Variants in PPP2R5D observed in about 807,000 individuals in gnomAD.
The protein encoded by PPP2R5D is protein phosphatase 2 regulatory subunit B'delta, also known as serine/threonine-protein phosphatase 2A 56 kDa regulatory subunit delta isoform.
In PPP2R5D, 12 loss-of-function variants were observed where a neutral mutation model predicts 79.1. That is an observed-to-expected ratio of 0.15 (90% CI 0.10 to 0.25). The LOEUF (loss-of-function observed/expected upper bound fraction) is 0.25. Among genes scored for constraint, PPP2R5D ranks in the 10% least tolerant of loss-of-function variants. The pLI is 1.00. For synonymous variants in PPP2R5D, 277 were observed against 286.6 expected, an observed-to-expected ratio of 0.97 and a Z score of 0.34; for missense variants, 419 against 760.2, an observed-to-expected ratio of 0.55 and a Z score of 5.28.
chr6:43,008,965 A>G lies in PPP2R5D; in HGVS notation c.1081-92A>G. 2 of 1,471,472 alleles carry G rather than the reference A, an allele frequency of 1.4e-6. No homozygotes were observed. Among genetic ancestry groups the G allele is most frequent in the Non-Finnish European group, 1.9e-6 (2 of 1,072,856 alleles). 91.2% of individuals were successfully genotyped at this position (1,471,472 alleles called of 1,614,324 possible). ...GGCTGAGATCACCCAAACTGTGCCC[A>G]CCAGGGTGGGGGAGAGAGCAGGTAG... On this transcript the variant is annotated intron_variant, in intron 10 of 15. Coordinates refer to ENST00000485511, the MANE Select transcript of PPP2R5D (RefSeq NM_006245.4). This position sits in a 1 kb window ranked among gnomAD's most constrained non-coding sequence, Gnocchi z 4.2.
chr6:42,987,888 G>C (rs574090287), intron 1 of PPP2R5D, among the ~76,000 whole-genome samples: 3 of 152,286 alleles, frequency 2.0e-5, no homozygotes, highest in South Asian at 4.1e-4. Flanking sequence ...AGATGGGTCA[G>C]CTTTGTTCAA....
intron 2 of PPP2R5D, among the ~76,000 whole-genome samples, chr6:42,999,272 C>T (rs1402568104): frequency 6.6e-6 from 1 of 152,166 alleles, no homozygotes; most frequent in Admixed American, 6.6e-5. Context: ...TCCCCCACCT[C>T]CCTCTGACAT....
chr6:42,998,990 G>A (rs1771988599), intron 2 of PPP2R5D, among the ~76,000 whole-genome samples: 1 of 152,188 alleles, frequency 6.6e-6, no homozygotes, highest in East Asian at 1.9e-4. Context: ...AGCTGAGATT[G>A]CACCACTGCA....
At chr6:42,988,130 TC>T (rs1196353023) in intron 1 of PPP2R5D, among the ~76,000 whole-genome samples, 4 of 152,010 alleles carry the variant, frequency 2.6e-5, no homozygotes, top group Admixed American at 1.3e-4. Context: ...CAAGAAGCCT[TC>T]CCCCTACTCC....
chr6:43,005,426 C>G (rs895516550), intron 2 of PPP2R5D, among the ~76,000 whole-genome samples: 3 of 151,918 alleles, frequency 2.0e-5, no homozygotes, highest in Admixed American at 1.3e-4. Context: ...CAGTAAGCTT[C>G]CTGAGTAGCT....
chr6:43,009,287 G>T lies in PPP2R5D; in HGVS notation c.1252-35G>T. On this transcript the variant is annotated intron_variant, in intron 11 of 15. Coordinates refer to ENST00000485511, the MANE Select transcript of PPP2R5D (RefSeq NM_006245.4). This position sits in a 1 kb window ranked among gnomAD's most constrained non-coding sequence, Gnocchi z 5.6. ...CAGAAACTGAGGTCTTGAGTGAAAT[G>T]AGCAGCACCCACCGAGTCTGCCTCT... The T allele has an allele frequency of 1.2e-6, 2 of 1,613,994 alleles. No homozygotes were observed. The highest frequency in any genetic ancestry group is 1.7e-6 in the Non-Finnish European group (2 of 1,179,996).
Position 43,008,684 on chromosome 6 carries a change from C to T in PPP2R5D, c.1027-9C>T, listed in dbSNP as rs767462866. On this transcript the variant is annotated splice_polypyrimidine_tract_variant and intron_variant, in intron 9 of 15. Coordinates refer to ENST00000485511, the MANE Select transcript of PPP2R5D (RefSeq NM_006245.4). The surrounding 1 kb of genome is among the most constrained non-coding windows in gnomAD (Gnocchi z 4.2). ...CACCTCACCTCCCTTCTACCTCACA[C>T]CTTTGCAGCTGGCATACTGTGTGGT... 9 of 1,613,944 alleles carry T rather than the reference C, an allele frequency of 5.6e-6. No homozygotes were observed. The highest frequency in any genetic ancestry group is 1.6e-4 in the Middle Eastern group (1 of 6,062).
Position 43,011,388 on chromosome 6 carries a change from C to T in PPP2R5D, c.*102C>T, listed in dbSNP as rs931826435. The T allele has an allele frequency of 1.0e-5, 15 of 1,474,110 alleles. No homozygotes were observed. The highest frequency in any genetic ancestry group is 8.9e-5 in the South Asian group (7 of 78,974). 91.3% of individuals were successfully genotyped at this position (1,474,110 alleles called of 1,614,324 possible). A position where few individuals can be genotyped will look rare whatever the true frequency, so the allele number is the denominator to read the frequency against. ...TACTGGCTGTCTTGGGGGAAGGCAG[C>T]GCCTCTCTAGCTACTCAAGGGAGGG... On this transcript the variant is annotated 3_prime_UTR_variant, in exon 16 of 16. Coordinates refer to ENST00000485511, the MANE Select transcript of PPP2R5D (RefSeq NM_006245.4).
chr6:42,993,572 T>C (rs1479516244), intron 2 of PPP2R5D, among the ~76,000 whole-genome samples: 2 of 152,264 alleles, frequency 1.3e-5, no homozygotes, highest in East Asian at 3.8e-4. Context: ...CTTCTGAGGT[T>C]CTAAGGAAGA....
intron 2 of PPP2R5D, among the ~76,000 whole-genome samples, chr6:42,994,474 A>G (rs954900588): frequency 6.6e-6 from 1 of 152,128 alleles, no homozygotes; most frequent in Non-Finnish European, 1.5e-5. Flanking sequence ...GTGAGACCCC[A>G]CTGACCTGCC....
At chr6:42,987,355 G>A (rs1770927388) in intron 1 of PPP2R5D, among the ~76,000 whole-genome samples, 1 of 151,988 alleles carries the variant, frequency 6.6e-6, no homozygotes, top group African/African-American at 2.4e-5. Flanking sequence ...TTCTCCTCTG[G>A]GACTTACCTC....
chr6:43,010,887 A>G lies in PPP2R5D; in HGVS notation c.1561A>G (p.Met521Val). The change falls in exon 15 of 16, where the codon ATG (methionine) becomes GTG (valine). Residue 521 changes from methionine to valine, a missense_variant. Around this residue, in one of 5 missense-constraint regions of PPP2R5D, gnomAD observed 84 missense variants for 105.4 expected, o/e 0.80. Transcript: ENST00000485511. This position sits in a 1 kb window ranked among gnomAD's most constrained non-coding sequence, Gnocchi z 4.7. ...TCCATGTCTCCTCACTCAGTATCCC[A>G]TGTTCCGAGCCCCTCCACCACTGCC... ...ELARLNPQYP[M>V]FRAPPPLPPV... The G allele has an allele frequency of 1.2e-6, 2 of 1,613,274 alleles. No individual in the cohort carries two copies. The highest frequency in any genetic ancestry group is 1.7e-6 in the Non-Finnish European group (2 of 1,179,534).
Position 43,007,945 on chromosome 6 carries a change from T to C in PPP2R5D, c.737T>C (p.Leu246Pro). The change falls in exon 7 of 16, where the codon CTA becomes CCA. Residue 246 changes from leucine (L) to proline (P), a missense_variant. By Grantham distance (98) the Leu-to-Pro change is moderately conservative. Around this residue, in one of 5 missense-constraint regions of PPP2R5D, gnomAD observed 196 missense variants for 424.5 expected, o/e 0.46. Coordinates refer to ENST00000485511, the MANE Select transcript of PPP2R5D (RefSeq NM_006245.4). This position sits in a 1 kb window ranked among gnomAD's most constrained non-coding sequence, Gnocchi z 4.5. The part of the protein sequence containing the change: ...DQKFVLALLD[L>P]FDSEDPRERD... ...CCCTTGTACCCCCAGCTCCTAGACC[T>C]ATTTGACAGTGAGGATCCTCGAGAG... The C allele has an allele frequency of 6.2e-7, 1 of 1,614,200 alleles. No individual in the cohort carries two copies. The highest frequency in any genetic ancestry group is 8.5e-7 in the Non-Finnish European group (1 of 1,180,030).
Position 43,008,383 on chromosome 6 carries a change from G to A in PPP2R5D, c.934G>A (p.Ala312Thr). The change falls in exon 9 of 16, where the codon GCC (alanine) becomes ACC (threonine). Residue 312 changes from alanine (A) to threonine (T), a missense_variant. Ala to Thr is a moderately conservative substitution (Grantham distance 58, BLOSUM62 0). Coordinates refer to ENST00000485511, the MANE Select transcript of PPP2R5D (RefSeq NM_006245.4). This position sits in a 1 kb window ranked among gnomAD's most constrained non-coding sequence, Gnocchi z 4.2. ...AATTCCTAGCATCATCAATGGCTTT[G>A]CCCTGCCCCTTAAAGAAGAGCACAA... ...EILGSIINGF[A>T]LPLKEEHKMF... is the part of the protein sequence containing the mutation. 1 of 1,614,024 alleles carries A rather than the reference G, an allele frequency of 6.2e-7. No individual in the cohort carries two copies. The highest frequency in any genetic ancestry group is 1.1e-5 in the South Asian group (1 of 91,070).
chr6:42,989,801 C>T, intron 2 of PPP2R5D, 113 bp downstream of exon 2: 2 of 1,070,128 alleles, frequency 1.9e-6, no homozygotes, highest in Non-Finnish European at 2.7e-6. Context: ...GCTTCCATAT[C>T]CTGGGAGGGA....
In PPP2R5D at chr6:43,006,212, G is replaced by A. The variant is rs1762067895; in HGVS notation, c.106-251G>A. Among the ~76,000 whole-genome samples, 1 of 152,156 alleles carries A rather than the reference G, an allele frequency of 6.6e-6. No individual in the cohort carries two copies. The highest frequency in any genetic ancestry group is 2.4e-5 in the African/African-American group (1 of 41,424). On this transcript the variant is annotated intron_variant, in intron 2 of 15. Coordinates refer to ENST00000485511, the MANE Select transcript of PPP2R5D (RefSeq NM_006245.4). This position sits in a 1 kb window ranked among gnomAD's most constrained non-coding sequence, Gnocchi z 4.7. ...AATTAGCTTTACCTGTTCATGAACT[G>A]GAATGAACGTTTTAAAGGCTCTTGA...
Position 43,010,545 on chromosome 6 carries a change from A to G in PPP2R5D, c.1457A>G (p.Gln486Arg), listed in dbSNP as rs773924731. 1 of 1,614,134 alleles carries G rather than the reference A, an allele frequency of 6.2e-7. No homozygotes were observed. Among genetic ancestry groups the G allele is most frequent in the Non-Finnish European group, 8.5e-7 (1 of 1,179,998 alleles). ...MNQKLFDDCT[Q>R]QYKAEKQKGR... is the part of the protein sequence containing the mutation. The stretch of plus-strand genomic sequence containing the variant: ...CAGAAGCTGTTTGATGACTGCACAC[A>G]ACAATACAAGGCAGAGAAGCAGAAG... The change falls in exon 13 of 16, where the codon CAA becomes CGA. Residue 486 changes from glutamine (Q) to arginine (R), a missense_variant. Around this residue, in one of 5 missense-constraint regions of PPP2R5D, gnomAD observed 196 missense variants for 424.5 expected, o/e 0.46. Transcript: ENST00000485511. The surrounding 1 kb of genome is among the most constrained non-coding windows in gnomAD (Gnocchi z 4.7).
chr6:42,998,011 TTATTTATATATA>T lies in PPP2R5D; in HGVS notation c.105+8327_105+8338del, dbSNP rs1371035090. Among the ~76,000 whole-genome samples, 159 of 72,560 alleles carry T rather than the reference TTATTTATATATA, an allele frequency of 2.2e-3. 3 individuals carry two copies. The highest frequency in any genetic ancestry group is 9.9e-3 in the African/African-American group (116 of 11,766). The allele number at this position is 72,560 out of a possible 152,430, so 47.6% of individuals were successfully genotyped here. On this transcript the variant is annotated intron_variant, in intron 2 of 15. Transcript: ENST00000485511. ...TTATTTATATTTGAATATTTGGGTT[TTATTTATATATA>T]TATATATATATATATATATATATAT...
In PPP2R5D at chr6:43,012,261, C is replaced by T; in HGVS notation, c.*975C>T. On this transcript the variant is annotated 3_prime_UTR_variant, in exon 16 of 16. Transcript: ENST00000485511. ...TGTACATAGGGTGCTTTATTCTCCA[C>T]AGAGTGATACATGCTAAGGTGGGTT... The T allele has an allele frequency of 5.3e-6, 7 of 1,322,648 alleles. No homozygotes were observed. In the South Asian group the frequency reaches 9.5e-5, roughly 18 times the overall value. 81.9% of individuals were successfully genotyped at this position (1,322,648 alleles called of 1,614,324 possible). A position where few individuals can be genotyped will look rare whatever the true frequency, so the allele number is the denominator to read the frequency against.
Sources: allele counts gnomAD v4.1 joint callset (sites outside exome capture counted in the v4.1 genomes callset), GRCh38; gene constraint gnomAD v4.1.1; regional missense constraint gnomAD v4.1.1; non-coding constraint Gnocchi (gnomAD v3.1); transcripts MANE v1.5; gene names NCBI Gene and HGNC (gene_info 2026-07-23, HGNC 2026-07-21).